The following IL1RAPL1 variants were observed in gnomAD, a reference collection of about 807,000 sequenced individuals.
The protein encoded by IL1RAPL1 is interleukin-1 receptor accessory protein-like 1.
IL1RAPL1 carries 3 observed loss-of-function variants against 48.4 expected under a neutral mutation model. That is an observed-to-expected ratio of 0.06 (90% CI 0.03 to 0.16). The LOEUF is 0.16. Ranked by LOEUF, IL1RAPL1 falls within the 10% of genes least tolerant of loss-of-function variation. The pLI is 1.00. For synonymous variants in IL1RAPL1, 185 were observed against 187.7 expected (o/e 0.99, Z 0.12); for missense variants, 349 against 530.6 (o/e 0.66, Z 3.36).
intron 2 of IL1RAPL1, among the ~76,000 whole-genome samples, chrX:28,851,642 C>G (rs1266140556): frequency 2.7e-5 from 3 of 111,738 alleles, no homozygotes; most frequent in Non-Finnish European, 5.6e-5. Flanking sequence ...AGGTCAGCCT[C>G]TGAGGTGCAT....
At chrX:28,722,693 G>A (rs1052622406) in intron 1 of IL1RAPL1, among the ~76,000 whole-genome samples, 1 of 111,571 alleles carries the variant, frequency 9.0e-6, no homozygotes, top group Admixed American at 9.6e-5. Context: ...AATGCTTCCA[G>A]TTTTTGGCCA....
At chrX:29,676,796 G>T (rs969737863) in intron 6 of IL1RAPL1, among the ~76,000 whole-genome samples, 25 of 111,567 alleles carry the variant, frequency 2.2e-4, no homozygotes, top group Non-Finnish European at 3.4e-4. Flanking sequence ...AGTTCTTCAT[G>T]AAGGTTTTGA....
chrX:29,953,199 AATC>A (rs771148166), intron 9 of IL1RAPL1, among the ~76,000 whole-genome samples: 12 of 112,022 alleles, frequency 1.1e-4, no homozygotes, highest in Non-Finnish European at 2.1e-4. Flanking sequence ...AACTTGATCT[AATC>A]ATCAAGTAAT....
chrX:28,753,000 T>A (rs1266973355), intron 1 of IL1RAPL1, among the ~76,000 whole-genome samples: 1 of 112,291 alleles, frequency 8.9e-6, no homozygotes, highest in Non-Finnish European at 1.9e-5. Flanking sequence ...AACTTATCCT[T>A]TTTACAAACA....
chrX:29,076,150 A>G (rs951708984), intron 2 of IL1RAPL1, among the ~76,000 whole-genome samples: 19 of 111,536 alleles, frequency 1.7e-4, no homozygotes, highest in Non-Finnish European at 3.2e-4. Flanking sequence ...TTCTTTCCTA[A>G]TTTTCAAAAG....
chrX:29,020,269 T>A (rs1360971542), intron 2 of IL1RAPL1, among the ~76,000 whole-genome samples: 1 of 112,640 alleles, frequency 8.9e-6, no homozygotes, highest in African/African-American at 3.2e-5. Flanking sequence ...TGTACAGTTA[T>A]GCTCTGCATG....
intron 2 of IL1RAPL1, among the ~76,000 whole-genome samples, chrX:29,246,753 A>C (rs1931520840): frequency 9.0e-6 from 1 of 111,231 alleles, no homozygotes; most frequent in South Asian, 3.8e-4. Context: ...CTTCCCAATG[A>C]GGTAAGGTTT....
rs1286356080 is a variant in IL1RAPL1, at chrX:28,846,021, CCATTATAGTAT to C, written c.82+56600_82+56610del. On this transcript the variant is annotated intron_variant, in intron 2 of 10. Transcript: ENST00000378993. ...CTATGCTTTGGGACAAATGCATCCA[CCATTATAGTAT>C]CATATGTATTTTCCCTGACCTAAAA... Among the ~76,000 whole-genome samples the C allele has an allele frequency of 2.7e-5, 3 of 111,960 alleles. No homozygotes were observed. The Admixed American group carries it at 2.9e-4, about 11-fold the overall frequency.
At chrX:28,839,022 T>G (rs1921296266) in intron 2 of IL1RAPL1, among the ~76,000 whole-genome samples, 1 of 111,520 alleles carries the variant, frequency 9.0e-6, no homozygotes, top group South Asian at 3.6e-4. Flanking sequence ...AACAGAAGCT[T>G]TGAAATAAAC....
At chrX:29,527,464 A>G (rs754893481) in intron 5 of IL1RAPL1, among the ~76,000 whole-genome samples, 2 of 104,164 alleles carry the variant, frequency 1.9e-5, no homozygotes, top group South Asian at 8.8e-4. Flanking sequence ...CAGCCTCTCA[A>G]GTAGCTGGGA....
At chrX:28,597,053 A>C (rs1411837866) in intron 1 of IL1RAPL1, among the ~76,000 whole-genome samples, 2 of 111,086 alleles carry the variant, frequency 1.8e-5, no homozygotes, top group Non-Finnish European at 3.8e-5. Context: ...GGGAGATCAA[A>C]AATATACTGT....
intron 6 of IL1RAPL1, among the ~76,000 whole-genome samples, chrX:29,803,103 A>ATGTATATATGTGTATACATGTATG (rs1930062126): frequency 1.1e-5 from 1 of 90,225 alleles, no homozygotes. Context: ...ATACATGTAT[A>ATGTATATATGTGTATACATGTATG]CATATATGTA....
intron 2 of IL1RAPL1, among the ~76,000 whole-genome samples, chrX:28,989,124 A>G (rs552761917): frequency 3.6e-5 from 4 of 112,362 alleles, no homozygotes; most frequent in Non-Finnish European, 5.6e-5. Context: ...TCACCATTGT[A>G]TTAACTACAT....
At chrX:28,621,458 A>G (rs902479626) in intron 1 of IL1RAPL1, among the ~76,000 whole-genome samples, 2 of 111,641 alleles carry the variant, frequency 1.8e-5, no homozygotes, top group Admixed American at 1.9e-4. Flanking sequence ...ATGGCAATGC[A>G]CCTTCCTCTT....
At chrX:29,886,244 C>T (rs1932164030) in intron 6 of IL1RAPL1, among the ~76,000 whole-genome samples, 1 of 112,358 alleles carries the variant, frequency 8.9e-6, no homozygotes, top group Non-Finnish European at 1.9e-5. Context: ...CATTTTTCTC[C>T]AAATCTTTGG....
At chrX:28,858,074 T>C (rs1366936002) in intron 2 of IL1RAPL1, among the ~76,000 whole-genome samples, 1 of 112,307 alleles carries the variant, frequency 8.9e-6, no homozygotes, top group Non-Finnish European at 1.9e-5. Flanking sequence ...ATTAAGTAAC[T>C]GTAGATGTGT....
intron 8 of IL1RAPL1, among the ~76,000 whole-genome samples, chrX:29,933,478 G>T (rs1462496793): frequency 3.6e-5 from 4 of 110,471 alleles, no homozygotes; most frequent in African/African-American, 6.6e-5. Context: ...ACATTGACTA[G>T]ATACACAGAC....
At chrX:28,885,991 T>C (rs1325559416) in intron 2 of IL1RAPL1, among the ~76,000 whole-genome samples, 1 of 111,195 alleles carries the variant, frequency 9.0e-6, no homozygotes, top group Non-Finnish European at 1.9e-5. Context: ...ATAGGCTCCA[T>C]ACAAAATTTA....
intron 2 of IL1RAPL1, among the ~76,000 whole-genome samples, chrX:29,126,057 T>G (rs898852193): frequency 2.7e-5 from 3 of 110,561 alleles, no homozygotes; most frequent in African/African-American, 9.9e-5. Flanking sequence ...TTTAATTCAC[T>G]TAATAGAGTG....
Sources: allele counts gnomAD v4.1 joint callset (sites outside exome capture counted in the v4.1 genomes callset), GRCh38; gene constraint gnomAD v4.1.1; transcripts MANE v1.5; gene names NCBI Gene and HGNC (gene_info 2026-07-23, HGNC 2026-07-21).